The following GRK4 variants were observed in gnomAD, a reference collection of about 807,000 sequenced individuals.
GRK4 encodes the protein G protein-coupled receptor kinase 4, also known as G protein-coupled receptor kinase 2-like.
A neutral mutation model predicts 77.9 loss-of-function variants in GRK4; 73 were observed. That is an observed-to-expected ratio of 0.94 (90% confidence interval 0.78 to 1.14). GRK4 has a LOEUF of 1.14. GRK4 is among the 50% of genes most tolerant of loss of function. The pLI is 0.00. For synonymous variants in GRK4, 257 were observed against 254.4 expected (o/e 1.01, Z -0.10); for missense variants, 729 against 700.2 (o/e 1.04, Z -0.46).
At chr4:2,992,613 T>C (rs1726591630) in intron 4 of GRK4, among the ~76,000 whole-genome samples, 1 of 151,800 alleles carries the variant, frequency 6.6e-6, no homozygotes, top group Non-Finnish European at 1.5e-5. Context: ...GCCCAGGAGA[T>C]TGAGGTGGCT....
intron 4 of GRK4, among the ~76,000 whole-genome samples, chr4:2,994,728 G>T (rs1372279007): frequency 6.6e-6 from 1 of 152,174 alleles, no homozygotes; most frequent in Non-Finnish European, 1.5e-5. Flanking sequence ...GCCTTAGTCT[G>T]TTTTGTGCTG....
intron 3 of GRK4, among the ~76,000 whole-genome samples, chr4:2,989,444 C>G (rs147481247): frequency 1.1e-3 from 168 of 152,034 alleles, no homozygotes; most frequent in African/African-American, 4.0e-3. Context: ...AATGGAGTCT[C>G]TCTCTGTCTC....
chr4:2,977,461 CT>C (rs1721562530), intron 1 of GRK4, among the ~76,000 whole-genome samples: 1 of 152,240 alleles, frequency 6.6e-6, no homozygotes, highest in Non-Finnish European at 1.5e-5. Context: ...ATATTTCCCT[CT>C]AGATACTGAC....
intron 1 of GRK4, among the ~76,000 whole-genome samples, chr4:2,980,252 C>T (rs1722498074): frequency 6.6e-6 from 1 of 152,104 alleles, no homozygotes; most frequent in Non-Finnish European, 1.5e-5. Flanking sequence ...CCATGGCCAC[C>T]CAGCCTCCCT....
chr4:2,991,308 T>A (rs2471339), intron 3 of GRK4, among the ~76,000 whole-genome samples: 55,355 of 151,972 alleles, frequency 0.36, 10,538 homozygotes, highest in African/African-American at 0.44. Flanking sequence ...TCTAGCATAA[T>A]CTCCTTCACT....
intron 8 of GRK4, among the ~76,000 whole-genome samples, chr4:3,016,456 T>C (rs1734518783): frequency 6.6e-6 from 1 of 150,534 alleles, no homozygotes. Flanking sequence ...AGACGGAGGT[T>C]GCAGTGAGCC....
At position 2,963,710 on chromosome 4, in the gene GRK4, C is replaced by G. The variant is rs1716426548; in HGVS notation, c.-361C>G. 3 of 391,016 alleles carry G rather than the reference C, an allele frequency of 7.7e-6. No homozygotes were observed. In the South Asian group the frequency reaches 1.2e-4, roughly 16 times the overall value. The allele number at this position is 391,016 out of a possible 1,614,324, so 24.2% of individuals were successfully genotyped here. A position where few individuals can be genotyped will look rare whatever the true frequency, so the allele number is the denominator to read the frequency against. On this transcript the variant is annotated 5_prime_UTR_variant, in exon 1 of 16. Coordinates refer to ENST00000398052, the MANE Select transcript of GRK4 (RefSeq NM_182982.3). ...TGTCCGAAGTGAGCCACGGCATTGA[C>G]TCGGGGCTGCCCGGGGGCAGGGCAC...
intron 2 of GRK4, among the ~76,000 whole-genome samples, chr4:2,985,235 C>G (rs1723950118): frequency 6.6e-6 from 1 of 151,418 alleles, no homozygotes; most frequent in African/African-American, 2.4e-5. Flanking sequence ...CCCGTCTCTA[C>G]TAAAAATACA....
chr4:2,965,434 C>T (rs1172969499), intron 1 of GRK4: 11 of 702,940 alleles, frequency 1.6e-5, no homozygotes, highest in Non-Finnish European at 2.3e-5. Context: ...GTCACTCTTA[C>T]GGAATTGCTG....
intron 1 of GRK4, chr4:2,965,963 A>G (rs1349087811): frequency 5.8e-6 from 1 of 172,130 alleles, no homozygotes; most frequent in Non-Finnish European, 1.3e-5. Flanking sequence ...CTACCTTCCT[A>G]TCTGCATGTA....
chr4:3,025,568 T>A (rs1264078128), intron 10 of GRK4, among the ~76,000 whole-genome samples: 1 of 151,394 alleles, frequency 6.6e-6, no homozygotes, highest in African/African-American at 2.4e-5. Flanking sequence ...TTTTTATATT[T>A]TTTTTAGTAG....
At chr4:2,971,811 C>T (rs1380702776) in intron 1 of GRK4, among the ~76,000 whole-genome samples, 2 of 152,198 alleles carry the variant, frequency 1.3e-5, no homozygotes, top group Admixed American at 1.3e-4. Flanking sequence ...TCTCTGGTGT[C>T]CCCTGGCTTG....
Position 3,029,405 on chromosome 4 carries a change from G to C in GRK4, c.1265G>C (p.Arg422Thr). 1 of 1,612,672 alleles carries C rather than the reference G, an allele frequency of 6.2e-7. No homozygotes were observed. Among genetic ancestry groups the C allele is most frequent in the Non-Finnish European group, 8.5e-7 (1 of 1,178,778 alleles). Residue 422 changes from arginine (R) to threonine (T), a missense_variant, in exon 12 of 16, where the codon AGG becomes ACG. Physicochemically the swap from Arg to Thr is moderately conservative, Grantham distance 71 (BLOSUM62 -1). Coordinates refer to ENST00000398052, the MANE Select transcript of GRK4 (RefSeq NM_182982.3). ...TCAGAGGATGCCAAATCTATCTGCA[G>C]GATGGTAAGTCAGGCTCTGTAGAGG... Reference protein sequence around the residue: ...KFSEDAKSICRMLLTKNPSKR... With the variant: ...KFSEDAKSICTMLLTKNPSKR...
chr4:3,009,516 C>T, intron 6 of GRK4, 132 bp from the exon 7 acceptor site: 2 of 631,958 alleles, frequency 3.2e-6, no homozygotes, highest in Non-Finnish European at 5.7e-6. Context: ...AGCACAGACA[C>T]CCTTTGTCCC....
chr4:3,000,859 C>T (rs1207709527), intron 4 of GRK4, among the ~76,000 whole-genome samples: 10 of 151,986 alleles, frequency 6.6e-5, no homozygotes, highest in African/African-American at 2.4e-4. Flanking sequence ...TGAGCCACGG[C>T]GCCTGGCCCA....
intron 13 of GRK4, among the ~76,000 whole-genome samples, chr4:3,037,083 A>ATGTGTGTGTG (rs34216391): frequency 7.1e-6 from 1 of 140,144 alleles, no homozygotes; most frequent in South Asian, 2.3e-4. Flanking sequence ...GTGTGTGTGT[A>ATGTGTGTGTG]TGTGTGTGTG....
intron 4 of GRK4, among the ~76,000 whole-genome samples, chr4:2,993,480 C>T (rs1323986170): frequency 6.6e-6 from 1 of 152,072 alleles, no homozygotes; most frequent in African/African-American, 2.4e-5. Context: ...TCGACACAGG[C>T]CTGGCCAATA....
rs370605613 is a variant in GRK4, at chr4:3,009,701, G to A, written c.590G>A (p.Gly197Glu). 2.5e-5 allele frequency: 40 copies of A among 1,613,640 alleles called. No individual in the cohort carries two copies. Among genetic ancestry groups the A allele is most frequent in the Non-Finnish European group, 3.1e-5 (37 of 1,179,738 alleles). Reference sequence around the variant, plus strand: ...CATTACAGAGTTCTAGGAAAAGGCGGATTTGGAGAGGTGAGTAACGGGAGC... The same window carrying A: ...CATTACAGAGTTCTAGGAAAAGGCGAATTTGGAGAGGTGAGTAACGGGAGC... ...FRHYRVLGKG[G>E]FGEVCACQVR... Residue 197 changes from glycine to glutamate, a missense_variant, in exon 7 of 16, where the codon GGA becomes GAA. Physicochemically the swap from Gly to Glu is moderately conservative, Grantham distance 98. Transcript: ENST00000398052.
intron 15 of GRK4, chr4:3,038,847 G>A (rs1741581741): frequency 3.1e-5 from 3 of 97,064 alleles, no homozygotes; most frequent in Non-Finnish European, 5.0e-5. Flanking sequence ...GGCACTCACA[G>A]TGCATCTCTC....
Sources: gnomAD v4.1 joint callset for allele counts (sites outside exome capture counted in the v4.1 genomes callset) on GRCh38, gnomAD v4.1.1 for gene constraint, MANE v1.5 for transcripts, NCBI Gene and HGNC (gene_info 2026-07-23, HGNC 2026-07-21) for gene names.